CDH13: variants seen among roughly 807,000 people sequenced by gnomAD.
CDH13 encodes cadherin 13.
In CDH13, 24 loss-of-function variants were observed where a neutral mutation model predicts 63.8. The ratio of observed to expected loss-of-function variants is 0.38; its 90% CI spans 0.27 to 0.53. CDH13 has a LOEUF of 0.53. Ranked by LOEUF, CDH13 falls within the 20% of genes least tolerant of loss-of-function variation. The pLI is 0.85. For synonymous variants in CDH13, 503 were observed against 355.3 expected (o/e 1.42, Z -4.67); for missense variants, 1,049 against 903.1 (o/e 1.16, Z -2.07).
chr16:82,928,510 A>G (rs1166233327), intron 2 of CDH13, among the ~76,000 whole-genome samples: 1 of 152,244 alleles, frequency 6.6e-6, no homozygotes, highest in East Asian at 1.9e-4. Flanking sequence ...CAGGGATACT[A>G]TCATCCTTAC....
chr16:82,656,147 G>GA (rs1231653577), intron 1 of CDH13, among the ~76,000 whole-genome samples: 1 of 152,172 alleles, frequency 6.6e-6, no homozygotes, highest in Non-Finnish European at 1.5e-5. Context: ...AGCTGAGACT[G>GA]AAAATCATGT....
chr16:83,453,182 T>C (rs907073080), intron 6 of CDH13, among the ~76,000 whole-genome samples: 1 of 152,042 alleles, frequency 6.6e-6, no homozygotes, highest in East Asian at 1.9e-4. Context: ...TGCAAAGACA[T>C]AAGGATTGTA....
At chr16:82,941,223 C>T (rs1597257479) in intron 2 of CDH13, among the ~76,000 whole-genome samples, 3 of 152,286 alleles carry the variant, frequency 2.0e-5, no homozygotes, top group East Asian at 3.9e-4. Flanking sequence ...GGCTCCTATA[C>T]ATAGTTTGCT....
intron 3 of CDH13, among the ~76,000 whole-genome samples, chr16:83,044,986 TA>T (rs1917647117): frequency 6.6e-6 from 1 of 152,210 alleles, no homozygotes; most frequent in Non-Finnish European, 1.5e-5. Context: ...GTTATTACCA[TA>T]AATCAAATAC....
chr16:82,749,418 A>G (rs766322967), intron 1 of CDH13, among the ~76,000 whole-genome samples: 3 of 152,090 alleles, frequency 2.0e-5, no homozygotes, highest in Non-Finnish European at 4.4e-5. Flanking sequence ...AAAAATGAAG[A>G]TTTATCGTGA....
At chr16:83,295,637 C>G (rs1021117992) in intron 5 of CDH13, among the ~76,000 whole-genome samples, 4 of 141,740 alleles carry the variant, frequency 2.8e-5, no homozygotes, top group Non-Finnish European at 4.9e-5. Flanking sequence ...TCACCTCATA[C>G]CTGTTAATAT....
At chr16:83,256,078 G>T (rs1906225176) in intron 5 of CDH13, among the ~76,000 whole-genome samples, 1 of 152,158 alleles carries the variant, frequency 6.6e-6, no homozygotes, top group Non-Finnish European at 1.5e-5. Context: ...TTGTCACCCA[G>T]GCTGAAGTAC....
At chr16:82,868,573 G>C (rs1258814232) in intron 2 of CDH13, among the ~76,000 whole-genome samples, 1 of 152,206 alleles carries the variant, frequency 6.6e-6, no homozygotes, top group East Asian at 1.9e-4. Flanking sequence ...AACAGAGTGA[G>C]AAGGACTTCT....
At chr16:82,861,210 G>C (rs768681456) in intron 2 of CDH13, among the ~76,000 whole-genome samples, 1 of 152,230 alleles carries the variant, frequency 6.6e-6, no homozygotes, top group Admixed American at 6.5e-5. Flanking sequence ...GTTGTACACA[G>C]TGAGAAAACT....
At chr16:83,760,896 G>A (rs79459987) in intron 11 of CDH13, among the ~76,000 whole-genome samples, 1,689 of 152,316 alleles carry the variant, frequency 0.011, 42 homozygotes, top group African/African-American at 0.038. Flanking sequence ...CCAAGGAAGG[G>A]CAATCCCTGT....
At chr16:83,614,134 G>A (rs1371057686) in intron 8 of CDH13, among the ~76,000 whole-genome samples, 1 of 152,140 alleles carries the variant, frequency 6.6e-6, no homozygotes, top group African/African-American at 2.4e-5. Flanking sequence ...AAAATGTTTA[G>A]AGATTAGTAG....
chr16:82,811,764 A>G (rs2037456625), intron 1 of CDH13, among the ~76,000 whole-genome samples: 1 of 152,120 alleles, frequency 6.6e-6, no homozygotes, highest in Non-Finnish European at 1.5e-5. Context: ...GATAAACTCT[A>G]TGACAATTGG....
At chr16:83,734,265 G>A (rs1911315929) in intron 10 of CDH13, among the ~76,000 whole-genome samples, 1 of 152,160 alleles carries the variant, frequency 6.6e-6, no homozygotes, top group African/African-American at 2.4e-5. Flanking sequence ...TTTGGTCTGG[G>A]TCCTGCTGTT....
intron 1 of CDH13, among the ~76,000 whole-genome samples, chr16:82,719,841 G>C (rs548044799): frequency 7.2e-5 from 6 of 83,654 alleles, no homozygotes; most frequent in African/African-American, 2.1e-4. Context: ...GAGAGACTCT[G>C]TCTCAAAAAA....
chr16:83,310,440 C>G (rs187253902), intron 5 of CDH13, among the ~76,000 whole-genome samples: 90 of 152,258 alleles, frequency 5.9e-4, no homozygotes, highest in Non-Finnish European at 9.4e-4. Context: ...GTAACAGATG[C>G]ATATTTGTGT....
intron 10 of CDH13, among the ~76,000 whole-genome samples, chr16:83,711,052 A>G (rs1194214934): frequency 6.6e-6 from 1 of 152,208 alleles, no homozygotes; most frequent in Non-Finnish European, 1.5e-5. Flanking sequence ...CCACCAGCAG[A>G]GGTGCCTTGC....
At chr16:83,609,680 G>C (rs1908679396) in intron 8 of CDH13, among the ~76,000 whole-genome samples, 1 of 152,046 alleles carries the variant, frequency 6.6e-6, no homozygotes, top group Non-Finnish European at 1.5e-5. Flanking sequence ...TATCACTTTT[G>C]ATTATAGGCC....
intron 10 of CDH13, among the ~76,000 whole-genome samples, chr16:83,699,742 C>A (rs967247527): frequency 6.6e-6 from 1 of 152,206 alleles, no homozygotes; most frequent in Non-Finnish European, 1.5e-5. Flanking sequence ...GCAGTTACAT[C>A]ACATCACATC....
intron 3 of CDH13, among the ~76,000 whole-genome samples, chr16:83,084,961 G>A (rs543629157): frequency 6.6e-6 from 1 of 152,304 alleles, no homozygotes; most frequent in South Asian, 2.1e-4. Flanking sequence ...AGGTGATGCT[G>A]GGTTTGGTTC....
Sources: allele counts gnomAD v4.1 joint callset (sites outside exome capture counted in the v4.1 genomes callset), GRCh38; gene constraint gnomAD v4.1.1; transcripts MANE v1.5; gene names NCBI Gene and HGNC (gene_info 2026-07-23, HGNC 2026-07-21).